TXLNB: variants seen among roughly 807,000 people sequenced by gnomAD.
TXLNB encodes the protein taxilin beta.
In TXLNB, 37 loss-of-function variants were observed where a neutral mutation model predicts 57.4. The ratio of observed to expected loss-of-function variants is 0.64; its 90% CI spans 0.50 to 0.85. The LOEUF is 0.85. Among genes scored for constraint, TXLNB ranks in the 40% least tolerant of loss-of-function variants. The pLI is 0.00. For synonymous variants in TXLNB, 302 were observed against 309.6 expected (o/e 0.98, Z 0.26); for missense variants, 848 against 825.6 (o/e 1.03, Z -0.33).
the TXLNB span, among the ~76,000 whole-genome samples, chr6:139,221,107 A>G: frequency 2.0e-5 from 3 of 152,158 alleles, no homozygotes; most frequent in African/African-American, 7.2e-5. Context: ...AAAAAGAGAA[A>G]TGAAGTAACA....
chr6:139,208,968 G>A, the TXLNB span, among the ~76,000 whole-genome samples: 1 of 152,130 alleles, frequency 6.6e-6, no homozygotes, highest in Non-Finnish European at 1.5e-5. Flanking sequence ...GGAAATAAAG[G>A]ACATCCAAAT....
At chr6:139,272,673 T>C (rs1437114629) in intron 3 of TXLNB, among the ~76,000 whole-genome samples, 3 of 152,242 alleles carry the variant, frequency 2.0e-5, no homozygotes, top group Non-Finnish European at 4.4e-5. Flanking sequence ...ACCATAGTTA[T>C]TAGATAGGCG....
At chr6:139,219,338 G>A in the TXLNB span, among the ~76,000 whole-genome samples, 1 of 152,220 alleles carries the variant, frequency 6.6e-6, no homozygotes, top group Admixed American at 6.5e-5. Flanking sequence ...AAGCAGGCCT[G>A]AGCTGACCAA....
At chr6:139,210,286 A>G in the TXLNB span, among the ~76,000 whole-genome samples, 1 of 152,334 alleles carries the variant, frequency 6.6e-6, no homozygotes, top group South Asian at 2.1e-4. Flanking sequence ...TTCAACCACT[A>G]TGAAAAACAG....
rs1292876718 is a variant in TXLNB at position 139,241,524 on chromosome 6, C to G, written c.*1002G>C. On this transcript the variant is annotated 3_prime_UTR_variant, in exon 10 of 10. Coordinates refer to ENST00000358430, the MANE Select transcript of TXLNB (RefSeq NM_153235.4). ...CTTAGTGTGAGGTCCCTTAACCCCTCAATCCCTAGCTCCCCTTTCCCACTT... is the reference window on the plus strand; with the variant it reads ...CTTAGTGTGAGGTCCCTTAACCCCTGAATCCCTAGCTCCCCTTTCCCACTT... 2 of 152,224 alleles carry G rather than the reference C, an allele frequency of 1.3e-5. No homozygotes were observed. The highest frequency in any genetic ancestry group is 4.1e-4 in the South Asian group (2 of 4,834). The allele number at this position is 152,224 out of a possible 1,614,324, so 9.4% of individuals were successfully genotyped here. A position where few individuals can be genotyped will look rare whatever the true frequency, so the allele number is the denominator to read the frequency against.
At chr6:139,161,423 C>G in the TXLNB span, among the ~76,000 whole-genome samples, 1 of 152,088 alleles carries the variant, frequency 6.6e-6, no homozygotes, top group African/African-American at 2.4e-5. Context: ...GGTTAGGAAA[C>G]AGTGGAGCAT....
the TXLNB span, among the ~76,000 whole-genome samples, chr6:139,216,393 C>G: frequency 2.7e-5 from 4 of 146,952 alleles, no homozygotes; most frequent in South Asian, 8.6e-4. Flanking sequence ...CCAAACACCG[C>G]GTGTTCTCAC....
intron 1 of TXLNB, among the ~76,000 whole-genome samples, chr6:139,290,152 C>T (rs1207121666): frequency 5.9e-5 from 9 of 152,072 alleles, no homozygotes; most frequent in African/African-American, 1.2e-4. Context: ...TTTAGGAAGC[C>T]GAGGCGGGTG....
At chr6:139,186,170 T>G in the TXLNB span, among the ~76,000 whole-genome samples, 1 of 152,164 alleles carries the variant, frequency 6.6e-6, no homozygotes, top group Non-Finnish European at 1.5e-5. Context: ...TCTGGATCCA[T>G]ATTTACACCA....
the TXLNB span, among the ~76,000 whole-genome samples, chr6:139,219,771 A>C: frequency 1.3e-5 from 2 of 152,018 alleles, no homozygotes; most frequent in African/African-American, 4.8e-5. Context: ...CCCATCTTGA[A>C]ACCAAGTCAG....
the TXLNB span, among the ~76,000 whole-genome samples, chr6:139,230,326 A>G: frequency 6.6e-6 from 1 of 152,242 alleles, no homozygotes; most frequent in East Asian, 1.9e-4. Context: ...AGGATCTGCA[A>G]TCAGTCCTGG....
the TXLNB span, among the ~76,000 whole-genome samples, chr6:139,320,932 TC>T: frequency 6.6e-6 from 1 of 152,198 alleles, no homozygotes; most frequent in African/African-American, 2.4e-5. Context: ...CATATTCCAC[TC>T]TAAGGCAACT....
intron 5 of TXLNB, among the ~76,000 whole-genome samples, chr6:139,261,230 T>C (rs1776472091): frequency 6.6e-6 from 1 of 152,202 alleles, no homozygotes; most frequent in Non-Finnish European, 1.5e-5. Context: ...CCCATTCCCA[T>C]CTGAGATCTC....
At chr6:139,176,611 C>T in the TXLNB span, among the ~76,000 whole-genome samples, 7 of 152,118 alleles carry the variant, frequency 4.6e-5, no homozygotes, top group East Asian at 3.8e-4. The surrounding 1 kb of genome is among the most constrained non-coding windows in gnomAD (Gnocchi z 4.5). Flanking sequence ...AAAGAAGTTT[C>T]GTGGAGGTTT....
In TXLNB at chr6:139,255,568, G is replaced by A. The variant is rs745311193; in HGVS notation, c.1073C>T (p.Ala358Val). The A allele has an allele frequency of 6.2e-7, 1 of 1,613,788 alleles. No individual in the cohort carries two copies. Among genetic ancestry groups the A allele is most frequent in the Non-Finnish European group, 8.5e-7 (1 of 1,179,792 alleles). ...GCCTCGTCCACCTGGCCTCACCTGA[G>A]CCTGCAGGACTGTCTCTTGCTCCTT... ...VLKEQETVLQ[A>V]QLTLYSGRFE... Residue 358 changes from alanine (A) to valine (V), a missense_variant, in exon 7 of 10, where the codon GCT (alanine) becomes GTT (valine). Coordinates refer to ENST00000358430, the MANE Select transcript of TXLNB (RefSeq NM_153235.4).
the TXLNB span, among the ~76,000 whole-genome samples, chr6:139,224,491 T>G: frequency 6.7e-6 from 1 of 149,744 alleles, no homozygotes; most frequent in African/African-American, 2.5e-5. Context: ...CAAAAAAAAA[T>G]ATTTGGTCTG....
At chr6:139,244,445 T>C in intron 9 of TXLNB, 150 bp downstream of exon 9, 3 of 616,680 alleles carry the variant, frequency 4.9e-6, no homozygotes, top group Non-Finnish European at 2.9e-6. Context: ...ATTATACTTA[T>C]TACAATTTAA....
chr6:139,235,568 GT>G (rs934936610), downstream of TXLNB, among the ~76,000 whole-genome samples: 5 of 152,272 alleles, frequency 3.3e-5, no homozygotes, highest in African/African-American at 1.2e-4. Context: ...TCTGTCAAGG[GT>G]GGGACCAGGT....
the TXLNB span, among the ~76,000 whole-genome samples, chr6:139,321,524 G>A: frequency 6.0e-5 from 9 of 150,894 alleles, no homozygotes; most frequent in African/African-American, 2.2e-4. Flanking sequence ...AGCCCACATG[G>A]GCTATGACTG....
Sources: allele counts gnomAD v4.1 joint callset (sites outside exome capture counted in the v4.1 genomes callset), GRCh38; gene constraint gnomAD v4.1.1; non-coding constraint Gnocchi (gnomAD v3.1); transcripts MANE v1.5; gene names NCBI Gene and HGNC (gene_info 2026-07-23, HGNC 2026-07-21).